Variants in NOMO3 observed in about 807,000 individuals in gnomAD.
NOMO3 encodes the protein BOS complex subunit NOMO3.
Under a neutral mutation model 69.9 loss-of-function variants are expected in NOMO3, and 15 were observed. The observed-to-expected ratio is 0.21, with a 90% confidence interval of 0.14 to 0.33. The LOEUF (loss-of-function observed/expected upper bound fraction) is 0.33, where lower values mean the gene tolerates loss of function less well. NOMO3 is among the 10% of genes least tolerant of loss of function. The pLI is 1.00. For synonymous variants in NOMO3, 89 were observed against 301.9 expected, an observed-to-expected ratio of 0.29 and a Z score of 7.31; for missense variants, 218 against 761.0, an observed-to-expected ratio of 0.29 and a Z score of 8.39.
chr16:16,237,685 A>G (rs990581433), intron 2 of NOMO3, among the ~76,000 whole-genome samples: 3 of 143,306 alleles, frequency 2.1e-5, no homozygotes, highest in African/African-American at 8.5e-5. Flanking sequence ...AATAGCTGGG[A>G]TTACAGGCAT....
At chr16:16,265,670 ATTTTTTTTTTTT>A (rs59243746) in intron 15 of NOMO3, among the ~76,000 whole-genome samples, 3 of 16,680 alleles carry the variant, frequency 1.8e-4, no homozygotes, top group Non-Finnish European at 2.8e-4. Context: ...ATATATATAT[ATTTTTTTTTTTT>A]TTTTTTTTTT....
At chr16:16,252,769 C>T (rs1304838506) in intron 9 of NOMO3, among the ~76,000 whole-genome samples, 1 of 94,350 alleles carries the variant, frequency 1.1e-5, no homozygotes, top group Non-Finnish European at 1.9e-5. Flanking sequence ...GGCACCATTC[C>T]AGGACTGGGG....
chr16:16,237,338 A>G (rs2049334711), intron 2 of NOMO3, among the ~76,000 whole-genome samples: 2 of 144,570 alleles, frequency 1.4e-5, no homozygotes, highest in African/African-American at 5.5e-5. Flanking sequence ...CAGGGCTGAG[A>G]AACTCTGATT....
chr16:16,238,281 G>T (rs2049346337), intron 2 of NOMO3, among the ~76,000 whole-genome samples: 1 of 134,778 alleles, frequency 7.4e-6, no homozygotes, highest in African/African-American at 3.1e-5. Flanking sequence ...CAGCCAGGCT[G>T]GAGTGCAGTG....
Position 16,254,834 on chromosome 16 carries a change from C to T in NOMO3, c.964-886C>T, listed in dbSNP as rs755308552. 5.6e-4 allele frequency among the ~76,000 whole-genome samples: 81 copies of T among 144,782 alleles called. 16 individuals carry two copies. The highest frequency in any genetic ancestry group is 2.0e-3 in the African/African-American group (70 of 35,584). 95.0% of individuals were successfully genotyped at this position (144,782 alleles called of 152,430 possible). A position where few individuals can be genotyped will look rare whatever the true frequency, so the allele number is the denominator to read the frequency against. ...AAAGCACAGCTGTGCTGCTCACAGG[C>T]GAGTGGGGCACAGACACAGACACAG... On this transcript the variant is annotated intron_variant, in intron 9 of 30. Coordinates refer to ENST00000399336, the MANE Select transcript of NOMO3 (RefSeq NM_001004067.4).
intron 2 of NOMO3, 48 bp downstream of exon 2, chr16:16,237,038 C>T (rs375830370): frequency 1.3e-6 from 2 of 1,587,336 alleles, no homozygotes; most frequent in Non-Finnish European, 1.7e-6. Context: ...ACTAGTGTGC[C>T]TCACCAGGCT....
At chr16:16,253,070 G>A (rs1036911994) in intron 9 of NOMO3, among the ~76,000 whole-genome samples, 2 of 132,268 alleles carry the variant, frequency 1.5e-5, no homozygotes, top group Admixed American at 1.4e-4. Flanking sequence ...CTGGGTTCAA[G>A]TGATCTGCCT....
rs1318745355 is a variant in NOMO3, at chr16:16,255,606, G to A, written c.964-114G>A. On this transcript the variant is annotated intron_variant, in intron 9 of 30. Transcript: ENST00000399336. Reference sequence around the variant, plus strand: ...ACACAGGACCGGGGCACTGAGTGTTGGGAGGTGGGCGGCAGGAGCAGACAT... The same window carrying A: ...ACACAGGACCGGGGCACTGAGTGTTAGGAGGTGGGCGGCAGGAGCAGACAT... 186 of 664,764 alleles carry A rather than the reference G, an allele frequency of 2.8e-4. 45 individuals are homozygous for A. In the East Asian group the frequency reaches 5.2e-3, roughly 19 times the overall value. 41.2% of individuals were successfully genotyped at this position (664,764 alleles called of 1,614,324 possible). A position where few individuals can be genotyped will look rare whatever the true frequency, so the allele number is the denominator to read the frequency against.
intron 6 of NOMO3, among the ~76,000 whole-genome samples, chr16:16,249,581 C>CAA (rs771140259): frequency 9.9e-5 from 5 of 50,534 alleles, no homozygotes; most frequent in African/African-American, 9.8e-5. Flanking sequence ...GACTCCATCT[C>CAA]AAAAAAAAAA....
At chr16:16,266,220 T>G (rs2049618205) in intron 15 of NOMO3, among the ~76,000 whole-genome samples, 1 of 136,000 alleles carries the variant, frequency 7.4e-6, no homozygotes. Context: ...TTGGAACTGG[T>G]GTTTCATGTG....
Position 16,261,651 on chromosome 16 carries a change from C to G in NOMO3, c.1370C>G (p.Ala457Gly), listed in dbSNP as rs1174169646. ...TDAHGSFCFK[A>G]NPGTYKVQVM... ...GCTCATGGATCATTTTGTTTTAAAG[C>G]AAACCCAGGGACTTACAAAGTGCAG... is the stretch of plus-strand genomic sequence containing the variant. Residue 457 changes from alanine to glycine, a missense_variant, in exon 12 of 31, where the codon GCA (alanine) becomes GGA (glycine). Transcript: ENST00000399336. 2 of 1,585,982 alleles carry G rather than the reference C, an allele frequency of 1.3e-6. No homozygotes were observed. The highest frequency in any genetic ancestry group is 1.7e-6 in the Non-Finnish European group (2 of 1,174,510).
intron 16 of NOMO3, among the ~76,000 whole-genome samples, chr16:16,269,429 A>AT (rs750179595): frequency 0.025 from 2,747 of 111,458 alleles, 154 homozygotes; most frequent in Admixed American, 0.083. Flanking sequence ...GAGAAACCTG[A>AT]TTTTTTTTTT....
chr16:16,239,009 C>T (rs1275682097), intron 2 of NOMO3, among the ~76,000 whole-genome samples: 1 of 137,738 alleles, frequency 7.3e-6, no homozygotes, highest in South Asian at 2.3e-4. Flanking sequence ...ACCCAGGAGA[C>T]GGAGGTTGCA....
chr16:16,274,234 ATGGATGGATGGATGGATGGTTGGGT>A (rs1053269667), intron 20 of NOMO3, among the ~76,000 whole-genome samples, 159 bp downstream of exon 20: 1 of 131,070 alleles, frequency 7.6e-6, no homozygotes, highest in African/African-American at 3.2e-5. Context: ...GGATGGATGG[ATGGATGGATGGATGGATGGTTGGGT>A]TGGATGGATG....
chr16:16,250,538 C>A (rs1448595093), intron 6 of NOMO3, among the ~76,000 whole-genome samples: 1 of 120,350 alleles, frequency 8.3e-6, no homozygotes, highest in Non-Finnish European at 1.6e-5. Flanking sequence ...GTAATCCCAG[C>A]ACTTTGGGAG....
At position 16,256,087 on chromosome 16, in the gene NOMO3, C is replaced by T. The variant is rs765793753; in HGVS notation, c.1149C>T (p.His383=). 1.5e-5 allele frequency: 24 copies of T among 1,585,628 alleles called. 2 individuals are homozygous for T. The highest frequency in any genetic ancestry group is 1.4e-5 in the Non-Finnish European group (17 of 1,174,572). The change falls in exon 11 of 31, where the codon CAC becomes CAT. Residue 383 remains histidine, a synonymous_variant. Coordinates refer to ENST00000399336, the MANE Select transcript of NOMO3 (RefSeq NM_001004067.4). ...GTYTIHAQKE[H]LYFETVTIKI... ...ACACCATCCATGCTCAGAAAGAGCA[C>T]CTCTACTTTGAAACGGTCACCATCA...
Position 16,242,581 on chromosome 16 carries a change from G to A in NOMO3, c.302-580G>A, listed in dbSNP as rs541088412. On this transcript the variant is annotated intron_variant, in intron 3 of 30. Coordinates refer to ENST00000399336, the MANE Select transcript of NOMO3 (RefSeq NM_001004067.4). ...GAACCCATGAGGCCCCTGTGGCCCT[G>A]GAGTTTGTGTTCCTGGTTTAACATG... 1.5e-3 allele frequency among the ~76,000 whole-genome samples: 212 copies of A among 141,734 alleles called. 36 individuals are homozygous for A. Among genetic ancestry groups the A allele is most frequent in the African/African-American group, 5.9e-3 (203 of 34,510 alleles). 93.0% of individuals were successfully genotyped at this position (141,734 alleles called of 152,430 possible). A position where few individuals can be genotyped will look rare whatever the true frequency, so the allele number is the denominator to read the frequency against.
At chr16:16,236,405 TG>T (rs2049327297) in intron 1 of NOMO3, among the ~76,000 whole-genome samples, 2 of 141,188 alleles carry the variant, frequency 1.4e-5, no homozygotes, top group South Asian at 4.6e-4. Context: ...CCACCATGCC[TG>T]GGTAACTTTT....
At chr16:16,233,981 A>T (rs1244244915) in intron 1 of NOMO3, among the ~76,000 whole-genome samples, 1 of 145,182 alleles carries the variant, frequency 6.9e-6, no homozygotes, top group Non-Finnish European at 1.5e-5. Context: ...TACCTATAGG[A>T]TGGTGTTGGG....
Sources: allele counts gnomAD v4.1 joint callset (sites outside exome capture counted in the v4.1 genomes callset), GRCh38; gene constraint gnomAD v4.1.1; transcripts MANE v1.5; gene names NCBI Gene and HGNC (gene_info 2026-07-23, HGNC 2026-07-21).